Variants in CLVS2 observed in about 807,000 individuals in gnomAD.
CLVS2 encodes clavesin-2.
CLVS2 carries 19 observed loss-of-function variants against 29.0 expected under a neutral mutation model. The ratio of observed to expected loss-of-function variants is 0.66; its 90% confidence interval spans 0.46 to 0.96. CLVS2 has a LOEUF of 0.96. Ranked by LOEUF, CLVS2 falls within the 40% of genes least tolerant of loss-of-function variation. The pLI is 0.00. For synonymous variants in CLVS2, 161 were observed against 151.3 expected (o/e 1.06, Z -0.47); for missense variants, 294 against 404.1 (o/e 0.73, Z 2.34).
intron 3 of CLVS2, among the ~76,000 whole-genome samples, chr6:123,018,887 CTTAAT>C (rs1562165899): frequency 6.6e-6 from 1 of 152,032 alleles, no homozygotes; most frequent in Non-Finnish European, 1.5e-5. Context: ...AAGGTCATTA[CTTAAT>C]TTAATGAAAG....
chr6:123,068,742 CTACT>C lies in CLVS2; in HGVS notation c.*4984_*4987del, dbSNP rs986903132. 4.0e-5 allele frequency: 6 copies of C among 151,678 alleles called. No homozygotes were observed. The highest frequency in any genetic ancestry group is 4.0e-4 in the Admixed American group (6 of 15,186). The allele number at this position is 151,678 out of a possible 1,614,324, so 9.4% of individuals were successfully genotyped here. A position where few individuals can be genotyped will look rare whatever the true frequency, so the allele number is the denominator to read the frequency against. ...TGTTATTAATTTTTACTACTACAAA[CTACT>C]TATTTAGTACTACACGGCATTTACT... On this transcript the variant is annotated 3_prime_UTR_variant, in exon 6 of 6. Transcript: ENST00000275162.
At position 123,049,562 on chromosome 6, in the gene CLVS2, A is replaced by G. The variant is rs115921687; in HGVS notation, c.675+830A>G. Among the ~76,000 whole-genome samples, 687 of 152,240 alleles carry G rather than the reference A, an allele frequency of 4.5e-3. 5 individuals carry two copies. Among genetic ancestry groups the G allele is most frequent in the African/African-American group, 0.016 (663 of 41,540 alleles). On this transcript the variant is annotated intron_variant, in intron 4 of 5. Transcript: ENST00000275162. ...GAAAAGTTGCAGAGCTAGTATACAA[A>G]CCCAAATATTTCAGCCCCATGTATA...
At chr6:123,038,397 T>G (rs918204649) in intron 3 of CLVS2, among the ~76,000 whole-genome samples, 3 of 152,192 alleles carry the variant, frequency 2.0e-5, no homozygotes, top group African/African-American at 4.8e-5. Flanking sequence ...TAGTAAATAT[T>G]TGTTAAGTTT....
chr6:123,017,225 C>A (rs1188123010), intron 3 of CLVS2, among the ~76,000 whole-genome samples: 3 of 151,922 alleles, frequency 2.0e-5, no homozygotes, highest in Admixed American at 6.6e-5. Context: ...GTGTTCTTTG[C>A]AGTGGTTGTT....
rs140277962 is a variant in CLVS2 at position 123,063,724 on chromosome 6, A to G, written c.947A>G (p.Glu316Gly). 3.1e-5 allele frequency: 50 copies of G among 1,612,068 alleles called. No homozygotes were observed. Among genetic ancestry groups the G allele is most frequent in the Admixed American group, 1.3e-4 (8 of 59,954 alleles). ...PTVLKRMDKNEEENMQPLLSL... is the reference protein window; with the variant it reads ...PTVLKRMDKNGEENMQPLLSL... ...GTACTAAAACGCATGGATAAAAATG[A>G]GGAAGAAAACATGCAACCATTGCTT... The change falls in exon 6 of 6, where the codon GAG becomes GGG. Residue 316 changes from glutamate (E) to glycine (G), a missense_variant. Around this residue, in one of 2 missense-constraint regions of CLVS2, gnomAD observed 82 missense variants for 67.8 expected, o/e 1.21. Transcript: ENST00000275162.
At chr6:123,004,071 G>T (rs1203758343) in intron 2 of CLVS2, among the ~76,000 whole-genome samples, 5 of 151,950 alleles carry the variant, frequency 3.3e-5, no homozygotes, top group Non-Finnish European at 5.9e-5. Context: ...AGAAAATCTC[G>T]ATTAAATATA....
chr6:123,042,964 G>A (rs1156524019), intron 3 of CLVS2, among the ~76,000 whole-genome samples: 1 of 152,212 alleles, frequency 6.6e-6, no homozygotes, highest in Non-Finnish European at 1.5e-5. Context: ...AGTGTGGTTA[G>A]CATGTTAAGG....
At chr6:123,039,015 C>T (rs62422421) in intron 3 of CLVS2, among the ~76,000 whole-genome samples, 1 of 151,922 alleles carries the variant, frequency 6.6e-6, no homozygotes, top group South Asian at 2.1e-4. Context: ...CAGTTCCTGT[C>T]TTGCCAAACC....
At chr6:122,998,260 T>G in intron 2 of CLVS2, 94 bp downstream of exon 2, 1 of 1,414,762 alleles carries the variant, frequency 7.1e-7, no homozygotes, top group Non-Finnish European at 9.5e-7. Flanking sequence ...ATTTGATATT[T>G]TTGTTTATTT....
intron 3 of CLVS2, among the ~76,000 whole-genome samples, chr6:123,046,441 C>T (rs991615558): frequency 6.6e-6 from 1 of 152,040 alleles, no homozygotes; most frequent in Non-Finnish European, 1.5e-5. Context: ...GGGCGAGTCA[C>T]CTGAGGTCAG....
chr6:123,053,712 T>C (rs1221031070), intron 4 of CLVS2, among the ~76,000 whole-genome samples: 2 of 151,998 alleles, frequency 1.3e-5, no homozygotes, highest in South Asian at 4.2e-4. Flanking sequence ...GAGATGGAAG[T>C]AGGGCCGAGA....
chr6:123,016,340 G>GA (rs1554201391), intron 3 of CLVS2, among the ~76,000 whole-genome samples: 975 of 15,100 alleles, frequency 0.065, 18 homozygotes, highest in African/African-American at 0.23. Context: ...TGCTTTTTTT[G>GA]GGGGGGAGGG....
chr6:123,044,444 CTG>C (rs938078050), intron 3 of CLVS2, among the ~76,000 whole-genome samples: 2 of 151,818 alleles, frequency 1.3e-5, no homozygotes, highest in African/African-American at 2.4e-5. Context: ...GATCTATGGC[CTG>C]TGTTTTTTTC....
intron 2 of CLVS2, among the ~76,000 whole-genome samples, chr6:123,003,074 GT>G (rs1427461612): frequency 1.3e-5 from 2 of 152,206 alleles, no homozygotes; most frequent in Non-Finnish European, 2.9e-5. Flanking sequence ...CCTGAGAAAT[GT>G]TGGAGGAATA....
rs147027074 is a variant in CLVS2, at chr6:123,036,570, CT to C, written c.565-12051del. 4.3e-4 allele frequency among the ~76,000 whole-genome samples: 66 copies of C among 152,258 alleles called. 3 individuals are homozygous for C. In the East Asian group the frequency reaches 0.013, roughly 29 times the overall value. On this transcript the variant is annotated intron_variant, in intron 3 of 5. Transcript: ENST00000275162. ...TTCTTTCTTGTTGTGTTAAATAAAA[CT>C]AACAGGTAAGAGGAAGTAGATCCTC...
chr6:123,045,380 G>A (rs1043231110), intron 3 of CLVS2, among the ~76,000 whole-genome samples: 1 of 152,074 alleles, frequency 6.6e-6, no homozygotes, highest in African/African-American at 2.4e-5. Context: ...ACATCCCTGT[G>A]GAAGTGATTC....
At chr6:123,034,241 C>T (rs1212226493) in intron 3 of CLVS2, among the ~76,000 whole-genome samples, 1 of 152,044 alleles carries the variant, frequency 6.6e-6, no homozygotes, top group Non-Finnish European at 1.5e-5. Context: ...CTTATTTTCA[C>T]ACAAAAACTT....
intron 4 of CLVS2, among the ~76,000 whole-genome samples, chr6:123,052,408 A>G (rs112807302): frequency 6.6e-6 from 1 of 152,248 alleles, no homozygotes; most frequent in Non-Finnish European, 1.5e-5. Flanking sequence ...ATAGGACCTT[A>G]TAGTTTCATG....
chr6:123,044,662 A>G (rs778070234), intron 3 of CLVS2, among the ~76,000 whole-genome samples: 7 of 152,110 alleles, frequency 4.6e-5, no homozygotes, highest in Admixed American at 4.6e-4. Context: ...ATCTCCTGCT[A>G]TTTGGTAAAT....
Sources: gnomAD v4.1 joint callset for allele counts (sites outside exome capture counted in the v4.1 genomes callset) on GRCh38, gnomAD v4.1.1 for gene constraint, gnomAD v4.1.1 regional missense constraint, MANE v1.5 for transcripts, NCBI Gene and HGNC (gene_info 2026-07-23, HGNC 2026-07-21) for gene names.